The following RANBP2 variants were observed in gnomAD, a reference collection of about 807,000 sequenced individuals.
The protein encoded by RANBP2 is RAN binding protein 2.
A neutral mutation model predicts 303.6 loss-of-function variants in RANBP2; 57 were observed. The ratio of observed to expected loss-of-function variants is 0.19; its 90% CI spans 0.15 to 0.23. The LOEUF is 0.23. Among genes scored for constraint, RANBP2 ranks in the 10% least tolerant of loss-of-function variants. RANBP2 has a pLI of 1.00. For missense variants in RANBP2, 3,138 were observed against 3,780.8 expected, an observed-to-expected ratio of 0.83 and a Z score of 4.46; for synonymous variants, 1,167 against 1,301.5, an observed-to-expected ratio of 0.90 and a Z score of 2.23.
At chr2:108,892,346 T>G in the RANBP2 span, among the ~76,000 whole-genome samples, 1 of 152,216 alleles carries the variant, frequency 6.6e-6, no homozygotes, top group Admixed American at 6.5e-5. Flanking sequence ...AGCATCCTAA[T>G]TTCTGTCCCA....
At position 108,772,964 on chromosome 2, in the gene RANBP2, G is replaced by A. The variant is rs2149301635; in HGVS notation, c.8210G>A (p.Cys2737Tyr). ...DTLKLPPTFFCGVCSDTDEDN... is the reference protein window; with the variant it reads ...DTLKLPPTFFYGVCSDTDEDN... ...TTAAAACTTCCACCTACATTTTTTT[G>A]TGGAGTCTGTAGTGATACTGATGAA... The change falls in exon 23 of 29, where the codon TGT becomes TAT. Residue 2737 changes from cysteine to tyrosine, a missense_variant. By Grantham distance (194) the Cys-to-Tyr change is radical (BLOSUM62 -2). Around this residue, in one of 20 missense-constraint regions of RANBP2, gnomAD observed 497 missense variants for 465.8 expected, o/e 1.07. Transcript: ENST00000283195. The A allele has an allele frequency of 1.2e-6, 2 of 1,613,790 alleles. No homozygotes were observed. The highest frequency in any genetic ancestry group is 1.7e-6 in the Non-Finnish European group (2 of 1,179,836).
chr2:108,783,089 A>G (rs984140359), intron 28 of RANBP2, among the ~76,000 whole-genome samples: 2 of 152,116 alleles, frequency 1.3e-5, no homozygotes, highest in African/African-American at 4.8e-5. Flanking sequence ...CTGTAATTCC[A>G]GCACTTTAGG....
At chr2:108,890,159 A>G in the RANBP2 span, among the ~76,000 whole-genome samples, 1 of 147,502 alleles carries the variant, frequency 6.8e-6, no homozygotes, top group South Asian at 2.1e-4. Context: ...CAGCACTTTG[A>G]GTATATCATA....
At chr2:109,049,304 G>A in the RANBP2 span, among the ~76,000 whole-genome samples, 2 of 152,224 alleles carry the variant, frequency 1.3e-5, no homozygotes, top group Non-Finnish European at 2.9e-5. Flanking sequence ...TCTCCGTCTT[G>A]TCTTCCTTCC....
At chr2:109,640,165 G>T in the RANBP2 span, among the ~76,000 whole-genome samples, 2 of 150,880 alleles carry the variant, frequency 1.3e-5, no homozygotes, top group Non-Finnish European at 2.9e-5. Flanking sequence ...GAAATGATAT[G>T]CTTCCAGCCC....
the RANBP2 span, among the ~76,000 whole-genome samples, chr2:108,903,094 T>C: frequency 6.6e-6 from 1 of 152,212 alleles, no homozygotes; most frequent in Non-Finnish European, 1.5e-5. Flanking sequence ...TGTATTTCTA[T>C]ATAACTAACA....
the RANBP2 span, among the ~76,000 whole-genome samples, chr2:109,442,002 A>AT: frequency 0.15 from 23,011 of 152,116 alleles, 3,218 homozygotes; most frequent in African/African-American, 0.37. Context: ...AAACTAAAAG[A>AT]TTTTGTCTCT....
At chr2:109,036,832 A>ACC in the RANBP2 span, among the ~76,000 whole-genome samples, 2 of 151,950 alleles carry the variant, frequency 1.3e-5, no homozygotes, top group African/African-American at 4.8e-5. Context: ...ACATGGCAAA[A>ACC]CCCCGTCTCT....
chr2:109,233,812 C>T, the RANBP2 span, among the ~76,000 whole-genome samples: 1 of 152,242 alleles, frequency 6.6e-6, no homozygotes. Flanking sequence ...GAGTATGTAG[C>T]TCTTGAGTCT....
chr2:108,986,812 T>G, the RANBP2 span, among the ~76,000 whole-genome samples: 1 of 152,178 alleles, frequency 6.6e-6, no homozygotes, highest in African/African-American at 2.4e-5. Context: ...AATATACGAA[T>G]TCAGTAAGGA....
chr2:109,135,582 G>A, the RANBP2 span, among the ~76,000 whole-genome samples: 1 of 152,198 alleles, frequency 6.6e-6, no homozygotes, highest in African/African-American at 2.4e-5. Context: ...ACCTCAGAGT[G>A]CCTGCTTTGC....
chr2:108,908,917 T>C, the RANBP2 span, among the ~76,000 whole-genome samples: 2 of 152,064 alleles, frequency 1.3e-5, no homozygotes, highest in Admixed American at 1.3e-4. Context: ...TGGGACCCAC[T>C]TCCTCATCAG....
At chr2:109,646,451 G>A in the RANBP2 span, among the ~76,000 whole-genome samples, 3 of 152,068 alleles carry the variant, frequency 2.0e-5, no homozygotes, top group Non-Finnish European at 4.4e-5. Flanking sequence ...AAGGAGTAAT[G>A]CTCTCCCCTG....
At chr2:109,114,006 AC>A in the RANBP2 span, among the ~76,000 whole-genome samples, 8 of 152,208 alleles carry the variant, frequency 5.3e-5, no homozygotes, top group African/African-American at 1.9e-4. Flanking sequence ...TGGTGGATAA[AC>A]TTTTTGATGT....
intron 23 of RANBP2, 44 bp from the exon 24 acceptor site, chr2:108,775,688 T>A: frequency 3.1e-6 from 5 of 1,595,312 alleles, no homozygotes; most frequent in Non-Finnish European, 4.3e-6. Context: ...GTTTTGTAAA[T>A]TAGCATTTAA....
chr2:109,085,517 A>G, the RANBP2 span, among the ~76,000 whole-genome samples: 1 of 150,520 alleles, frequency 6.6e-6, no homozygotes, highest in Non-Finnish European at 1.5e-5. Context: ...GTTAGCCAGG[A>G]TGGTCTCAAT....
At chr2:109,708,202 CA>C in the RANBP2 span, among the ~76,000 whole-genome samples, 1 of 149,874 alleles carries the variant, frequency 6.7e-6, no homozygotes, top group African/African-American at 2.5e-5. Context: ...TACAAAAAAT[CA>C]AAAATTTTTT....
At chr2:109,570,841 T>C in the RANBP2 span, among the ~76,000 whole-genome samples, 2 of 152,146 alleles carry the variant, frequency 1.3e-5, no homozygotes, top group Non-Finnish European at 2.9e-5. Flanking sequence ...TATTATAATG[T>C]GTAATCTAGA....
chr2:109,253,575 C>T, the RANBP2 span, among the ~76,000 whole-genome samples: 1 of 152,136 alleles, frequency 6.6e-6, no homozygotes, highest in Non-Finnish European at 1.5e-5. Context: ...GATGTTGAGG[C>T]AGCAAATTCT....
Sources: gnomAD v4.1 joint callset for allele counts (sites outside exome capture counted in the v4.1 genomes callset) on GRCh38, gnomAD v4.1.1 for gene constraint, gnomAD v4.1.1 regional missense constraint, MANE v1.5 for transcripts, NCBI Gene and HGNC (gene_info 2026-07-23, HGNC 2026-07-21) for gene names.